CUL2: variants seen among roughly 807,000 people sequenced by gnomAD.
CUL2 encodes cullin-2.
CUL2 carries 22 observed loss-of-function variants against 110.2 expected under a neutral mutation model. The observed-to-expected ratio is 0.20, with a 90% CI of 0.14 to 0.28. The LOEUF (loss-of-function observed/expected upper bound fraction) is 0.28. Ranked by LOEUF, CUL2 falls within the 10% of genes least tolerant of loss-of-function variation. The probability of loss-of-function intolerance (pLI) is 1.00; values close to 1 mark genes in which losing one functional copy is unlikely to be tolerated. For synonymous variants in CUL2, 279 were observed against 293.2 expected, an observed-to-expected ratio of 0.95 and a Z score of 0.49; for missense variants, 631 against 905.5, an observed-to-expected ratio of 0.70 and a Z score of 3.89.
At chr10:35,088,557 A>T (rs1254435292) in intron 1 of CUL2, among the ~76,000 whole-genome samples, 2 of 151,288 alleles carry the variant, frequency 1.3e-5, no homozygotes, top group African/African-American at 4.9e-5. Flanking sequence ...TTGTAACCTT[A>T]ATGCCTGCAG....
rs199616893 is a variant in CUL2 at position 35,102,755 on chromosome 10, C to T, written c.-50-1695G>A. On this transcript the variant is annotated intron_variant, in intron 1 of 5. Transcript: ENST00000685421. ...AAAATTAGCCGGGTGCAGTGGCAGG[C>T]GCCTGTAATCCCGGCTACTCGGGAG... Among the ~76,000 whole-genome samples the T allele has an allele frequency of 3.3e-4, 49 of 149,366 alleles. No homozygotes were observed. In the East Asian group the frequency reaches 5.2e-3, roughly 16 times the overall value.
intron 16 of CUL2, among the ~76,000 whole-genome samples, chr10:35,027,827 TACAG>T (rs549360429): frequency 2.1e-4 from 32 of 152,320 alleles, no homozygotes; most frequent in African/African-American, 7.5e-4. Context: ...ATCAGAATTT[TACAG>T]ACAGAAACTC....
At chr10:35,016,110 G>T in intron 18 of CUL2, 82 bp downstream of exon 18, 2 of 1,133,304 alleles carry the variant, frequency 1.8e-6, no homozygotes, top group Non-Finnish European at 2.6e-6. Flanking sequence ...AACAATTACA[G>T]CCTTATTTTA....
chr10:35,049,496 AAAG>A (rs1162674336), intron 6 of CUL2, among the ~76,000 whole-genome samples, 184 bp downstream of exon 6: 4 of 133,792 alleles, frequency 3.0e-5, no homozygotes, highest in African/African-American at 5.8e-5. Flanking sequence ...AAAGAAAAAA[AAAG>A]AAAGAAGAAG....
At chr10:35,103,006 A>T (rs1461255894) in intron 1 of CUL2, among the ~76,000 whole-genome samples, 1 of 152,198 alleles carries the variant, frequency 6.6e-6, no homozygotes, top group Non-Finnish European at 1.5e-5. Flanking sequence ...GGGAAGGGCT[A>T]GTTATAACAT....
chr10:35,016,304 T>G lies in CUL2; in HGVS notation c.1775A>C (p.Glu592Ala). ...CTGAAGCTCTTTATAACTGACAGTTTCACTGTTGTTAAAGGCAAGAAGAAC... is the reference window on the plus strand; with the variant it reads ...CTGAAGCTCTTTATAACTGACAGTTGCACTGTTGTTAAAGGCAAGAAGAAC... ...MAVLLAFNNS[E>A]TVSYKELQDS... The change falls in exon 18 of 21, where the codon GAA (glutamate) becomes GCA (alanine). Residue 592 changes from glutamate to alanine, a missense_variant. Coordinates refer to ENST00000374749, the MANE Select transcript of CUL2 (RefSeq NM_003591.4). 2 of 1,614,012 alleles carry G rather than the reference T, an allele frequency of 1.2e-6. 1 individual carries two copies. Among genetic ancestry groups the G allele is most frequent in the South Asian group, 2.2e-5 (2 of 91,068 alleles).
In CUL2 at chr10:35,031,956, A is replaced by C. The variant is rs1246753863; in HGVS notation, c.1171-337T>G. 6.6e-6 allele frequency among the ~76,000 whole-genome samples: 1 copy of C among 152,244 alleles called. No individual in the cohort carries two copies. Among genetic ancestry groups the C allele is most frequent in the Non-Finnish European group, 1.5e-5 (1 of 68,044 alleles). ...ATACATCATAAGGTAAATTTTTAAAAAGAACAAGTCAAATATCAAATCATC... is the reference window on the plus strand; with the variant it reads ...ATACATCATAAGGTAAATTTTTAAACAGAACAAGTCAAATATCAAATCATC... On this transcript the variant is annotated intron_variant, in intron 12 of 20. Coordinates refer to ENST00000374749, the MANE Select transcript of CUL2 (RefSeq NM_003591.4). The surrounding 1 kb of genome is among the most constrained non-coding windows in gnomAD (Gnocchi z 4.4).
At position 35,035,166 on chromosome 10, in the gene CUL2, A is replaced by G. The variant is rs1391453501; in HGVS notation, c.1002+6T>C. The stretch of plus-strand genomic sequence containing the variant: ...GGAAAACATTGCAGTTTCCCACACA[A>G]CTCACGTTTTCCTGAGTAAGGTTGC... On this transcript the variant is annotated splice_donor_region_variant and intron_variant, in intron 10 of 20. Coordinates refer to ENST00000374749, the MANE Select transcript of CUL2 (RefSeq NM_003591.4). The G allele has an allele frequency of 3.7e-6, 6 of 1,613,966 alleles. No individual in the cohort carries two copies. Among genetic ancestry groups the G allele is most frequent in the Non-Finnish European group, 5.1e-6 (6 of 1,179,998 alleles).
chr10:35,024,579 G>A (rs1018904917), intron 17 of CUL2, among the ~76,000 whole-genome samples: 1 of 152,128 alleles, frequency 6.6e-6, no homozygotes, highest in African/African-American at 2.4e-5. Context: ...CAATAATTCA[G>A]GTATTAATCC....
At chr10:35,039,427 GT>G (rs36124097) in intron 8 of CUL2, among the ~76,000 whole-genome samples, 44,548 of 152,074 alleles carry the variant, frequency 0.29, 7,049 homozygotes, top group South Asian at 0.35. Flanking sequence ...GGTGATCTCT[GT>G]TATGAATAAC....
upstream of CUL2, among the ~76,000 whole-genome samples, chr10:35,091,121 G>T (rs745596063): frequency 3.7e-4 from 57 of 152,090 alleles, 1 homozygote; most frequent in Non-Finnish European, 1.5e-4. Flanking sequence ...TTCCTCCCTT[G>T]GAGTTTTAAA....
chr10:35,019,480 G>A (rs971992931), intron 17 of CUL2, among the ~76,000 whole-genome samples: 1 of 152,128 alleles, frequency 6.6e-6, no homozygotes, highest in Non-Finnish European at 1.5e-5. Flanking sequence ...GGGAAGACAC[G>A]ACAGGGGAAA....
At chr10:35,121,935 T>C (rs2087683254) in intron 1 of CUL2, among the ~76,000 whole-genome samples, 1 of 152,196 alleles carries the variant, frequency 6.6e-6, no homozygotes. Context: ...GTTTCCTGAG[T>C]ACACAGCACA....
chr10:35,026,982 C>G (rs1463053898), intron 16 of CUL2, among the ~76,000 whole-genome samples: 1 of 151,858 alleles, frequency 6.6e-6, no homozygotes, highest in Non-Finnish European at 1.5e-5. Context: ...TATCCCTCCC[C>G]CCTCCTCCCA....
chr10:35,086,307 G>A (rs2087064557), intron 1 of CUL2, among the ~76,000 whole-genome samples: 1 of 152,052 alleles, frequency 6.6e-6, no homozygotes. Flanking sequence ...GACCAGCCTG[G>A]GCAACACAAT....
intron 1 of CUL2, among the ~76,000 whole-genome samples, chr10:35,104,983 C>T (rs1442978648): frequency 6.6e-6 from 1 of 151,848 alleles, no homozygotes; most frequent in Non-Finnish European, 1.5e-5. Context: ...CCCGCCTGGG[C>T]CTCCCAATGT....
chr10:35,057,472 G>A (rs1402992405), intron 4 of CUL2, among the ~76,000 whole-genome samples: 2 of 151,756 alleles, frequency 1.3e-5, no homozygotes. Context: ...CCAACATGGT[G>A]AAACCCCGTC....
intron 1 of CUL2, among the ~76,000 whole-genome samples, chr10:35,103,318 T>TA (rs1484764327): frequency 6.2e-5 from 7 of 112,282 alleles, no homozygotes; most frequent in Non-Finnish European, 1.1e-4. Flanking sequence ...ATTTTTTTTT[T>TA]TTTTTTTTTT....
intron 9 of CUL2, among the ~76,000 whole-genome samples, chr10:35,038,217 GTTTT>G (rs924022819): frequency 6.6e-5 from 10 of 150,434 alleles, no homozygotes; most frequent in Admixed American, 6.6e-4. Context: ...AGTAATGCAT[GTTTT>G]TTGTTTTTTT....
Sources: allele counts gnomAD v4.1 joint callset (sites outside exome capture counted in the v4.1 genomes callset), GRCh38; gene constraint gnomAD v4.1.1; non-coding constraint Gnocchi (gnomAD v3.1); transcripts MANE v1.5; gene names NCBI Gene and HGNC (gene_info 2026-07-23, HGNC 2026-07-21).